Variants in AVL9 observed in about 807,000 individuals in gnomAD.
The protein encoded by AVL9 is late secretory pathway protein AVL9 homolog.
In AVL9, 49 loss-of-function variants were observed where a neutral mutation model predicts 79.2. The ratio of observed to expected loss-of-function variants is 0.62; its 90% CI spans 0.49 to 0.79. The LOEUF (loss-of-function observed/expected upper bound fraction) is 0.79, where lower values mean the gene tolerates loss of function less well. Among genes scored for constraint, AVL9 ranks in the 30% least tolerant of loss-of-function variants. AVL9 has a pLI of 0.00. For missense variants in AVL9, 682 were observed against 776.8 expected (o/e 0.88, Z 1.45); for synonymous variants, 299 against 280.6 (o/e 1.07, Z -0.65).
At chr7:32,501,492 A>G (rs931778428) in intron 1 of AVL9, among the ~76,000 whole-genome samples, 2 of 152,154 alleles carry the variant, frequency 1.3e-5, no homozygotes, top group Admixed American at 1.3e-4. Context: ...ATATTTTGGT[A>G]GATGGTTTTT....
At chr7:32,536,710 C>T (rs1002528398) in intron 1 of AVL9, 3 of 152,184 alleles carry the variant, frequency 2.0e-5, no homozygotes, top group Admixed American at 2.0e-4. Context: ...CCTGGGTCCC[C>T]AGGCCACCCC....
rs993814005 is a variant in AVL9 at position 32,497,775 on chromosome 7, C to G, written c.93+1973C>G. Among the ~76,000 whole-genome samples, 6 of 152,176 alleles carry G rather than the reference C, an allele frequency of 3.9e-5. No homozygotes were observed. In the East Asian group the frequency reaches 1.2e-3, roughly 29 times the overall value. On this transcript the variant is annotated intron_variant, in intron 1 of 15. Transcript: ENST00000318709. ...CACACCATTCTCCTGCCTCAGCCTCCCGAGTAGCTGGGACTACAGGCGCCC... is the reference window on the plus strand; with the variant it reads ...CACACCATTCTCCTGCCTCAGCCTCGCGAGTAGCTGGGACTACAGGCGCCC...
intron 1 of AVL9, among the ~76,000 whole-genome samples, chr7:32,503,396 A>ACACACG (rs1459299791): frequency 2.7e-5 from 4 of 147,288 alleles, no homozygotes; most frequent in Admixed American, 2.1e-4. Context: ...ACACACACAC[A>ACACACG]CACACACACA....
At chr7:32,548,772 A>AT in intron 3 of AVL9, 75 bp from the exon 4 acceptor site, 1 of 1,085,972 alleles carries the variant, frequency 9.2e-7, no homozygotes, top group Non-Finnish European at 1.3e-6. Flanking sequence ...TATAATTTCT[A>AT]TTTTTATGTT....
At chr7:32,512,999 G>A (rs533208784) in intron 1 of AVL9, among the ~76,000 whole-genome samples, 1 of 117,700 alleles carries the variant, frequency 8.5e-6, no homozygotes, top group South Asian at 2.4e-4. Context: ...ACGCCTGAGG[G>A]ACTTCGCAGA....
chr7:32,554,988 A>G (rs1287718422), intron 8 of AVL9, among the ~76,000 whole-genome samples: 2 of 152,138 alleles, frequency 1.3e-5, no homozygotes, highest in African/African-American at 4.8e-5. Context: ...TAATTGGGTT[A>G]TTTGCTTCCT....
Position 32,496,982 on chromosome 7 carries a change from C to T in AVL9, c.93+1180C>T, listed in dbSNP as rs1786850612. On this transcript the variant is annotated intron_variant, in intron 1 of 15. Transcript: ENST00000318709. Reference sequence around the variant, plus strand: ...TTGCATGTGATAGCGCACTTGTAGTCCCAGCTACTCGGTAGGCTAAGGTGG... The same window carrying T: ...TTGCATGTGATAGCGCACTTGTAGTTCCAGCTACTCGGTAGGCTAAGGTGG... 3.9e-5 allele frequency among the ~76,000 whole-genome samples: 6 copies of T among 152,294 alleles called. No individual in the cohort carries two copies. In the South Asian group the frequency reaches 1.2e-3, roughly 32 times the overall value.
At chr7:32,517,447 A>G (rs1038147385) in intron 1 of AVL9, among the ~76,000 whole-genome samples, 1 of 151,912 alleles carries the variant, frequency 6.6e-6, no homozygotes, top group African/African-American at 2.4e-5. Context: ...CTGGGATTAC[A>G]GGTGCCTGCC....
chr7:32,532,013 C>G (rs762101226), intron 1 of AVL9: 1 of 152,226 alleles, frequency 6.6e-6, no homozygotes, highest in Non-Finnish European at 1.5e-5. Context: ...CTCCCAAGCT[C>G]TTGTCCAGCG....
intron 11 of AVL9, among the ~76,000 whole-genome samples, chr7:32,571,383 C>G (rs1362044976): frequency 6.6e-6 from 1 of 151,802 alleles, no homozygotes; most frequent in African/African-American, 2.4e-5. Flanking sequence ...CAAAAATTAG[C>G]TGGGCATGGT....
intron 1 of AVL9, among the ~76,000 whole-genome samples, chr7:32,511,406 A>G (rs1267278279): frequency 6.6e-6 from 1 of 151,512 alleles, no homozygotes; most frequent in Non-Finnish European, 1.5e-5. Context: ...GAGATTTGTG[A>G]GCCATCAGGT....
At position 32,585,384 on chromosome 7, in the gene AVL9, T is replaced by A. The variant is rs1358831562; in HGVS notation, c.*1477T>A. ...GGCACATACATGCATGTGTGTGCCA[T>A]CTACTGATGATTTGTACACAGCTGG... On this transcript the variant is annotated 3_prime_UTR_variant, in exon 16 of 16. Coordinates refer to ENST00000318709, the MANE Select transcript of AVL9 (RefSeq NM_015060.3). 21 of 152,228 alleles carry A rather than the reference T, an allele frequency of 1.4e-4. No homozygotes were observed. The allele number at this position is 152,228 out of a possible 1,614,324, so 9.4% of individuals were successfully genotyped here.
chr7:32,567,877 G>A (rs1316132343), intron 10 of AVL9, among the ~76,000 whole-genome samples: 1 of 151,386 alleles, frequency 6.6e-6, no homozygotes, highest in Non-Finnish European at 1.5e-5. Context: ...GCCACCACAG[G>A]TCCAGCTCAT....
At chr7:32,527,864 T>C (rs1490039358) in intron 1 of AVL9, among the ~76,000 whole-genome samples, 1 of 150,604 alleles carries the variant, frequency 6.6e-6, no homozygotes, top group Non-Finnish European at 1.5e-5. Flanking sequence ...ATAGACTCCC[T>C]CCTTGGCCAG....
intron 1 of AVL9, among the ~76,000 whole-genome samples, chr7:32,505,923 G>A (rs1382495857): frequency 6.6e-6 from 1 of 152,094 alleles, no homozygotes; most frequent in Non-Finnish European, 1.5e-5. Context: ...ATTAAGTAGA[G>A]TCATTTTCTT....
chr7:32,507,028 G>A (rs1279659903), intron 1 of AVL9, among the ~76,000 whole-genome samples: 1 of 151,796 alleles, frequency 6.6e-6, no homozygotes, highest in Non-Finnish European at 1.5e-5. Context: ...AACCAAATGG[G>A]GTTTGTCACA....
chr7:32,534,379 A>G (rs1788801656), intron 1 of AVL9: 1 of 91,534 alleles, frequency 1.1e-5, no homozygotes, highest in Non-Finnish European at 2.2e-5. Flanking sequence ...TTAATGCCCT[A>G]CCAGACATCT....
At chr7:32,518,784 G>C (rs1472439525) in intron 1 of AVL9, among the ~76,000 whole-genome samples, 1 of 152,124 alleles carries the variant, frequency 6.6e-6, no homozygotes, top group East Asian at 1.9e-4. Context: ...TTATAAAAAT[G>C]TTATGTGATT....
chr7:32,581,034 A>G, intron 15 of AVL9, 144 bp downstream of exon 15: 1 of 735,958 alleles, frequency 1.4e-6, no homozygotes, highest in Non-Finnish European at 2.2e-6. Context: ...AATTTTTGTC[A>G]TATTCATTTG....
Sources: allele counts gnomAD v4.1 joint callset (sites outside exome capture counted in the v4.1 genomes callset), GRCh38; gene constraint gnomAD v4.1.1; transcripts MANE v1.5; gene names NCBI Gene and HGNC (gene_info 2026-07-23, HGNC 2026-07-21).